The following NBEAL1 variants were observed in gnomAD, a reference collection of about 807,000 sequenced individuals.
NBEAL1 encodes the protein neurobeachin like 1, also known as neurobeachin-like protein 1.
In NBEAL1, 273 loss-of-function variants were observed where a neutral mutation model predicts 351.3. The observed-to-expected ratio is 0.78, with a 90% confidence interval of 0.70 to 0.86. NBEAL1 has a LOEUF of 0.86. NBEAL1 is among the 40% of genes least tolerant of loss of function. The pLI is 0.00. For synonymous variants in NBEAL1, 1,050 were observed against 1,086.4 expected, an observed-to-expected ratio of 0.97 and a Z score of 0.66; for missense variants, 2,961 against 3,201.3, an observed-to-expected ratio of 0.92 and a Z score of 1.81.
chr2:203,102,236 A>T (rs1436468741), intron 12 of NBEAL1, among the ~76,000 whole-genome samples: 1 of 152,242 alleles, frequency 6.6e-6, no homozygotes, highest in African/African-American at 2.4e-5. Context: ...TTCTAGGCGT[A>T]GAATCATATT....
intron 46 of NBEAL1, among the ~76,000 whole-genome samples, chr2:203,192,014 T>C (rs2065103526): frequency 6.6e-6 from 1 of 152,254 alleles, no homozygotes. Flanking sequence ...CCACAGCTAT[T>C]ACAACAGTAG....
Position 203,082,032 on chromosome 2 carries a change from A to G in NBEAL1, c.685-1187A>G, listed in dbSNP as rs543445700. The stretch of plus-strand genomic sequence containing the variant: ...AGCCTGAATAGTTGAGGCTGCAGTG[A>G]ACCATGATCATGTCACTGCATTTCA... On this transcript the variant is annotated intron_variant, in intron 8 of 55. Transcript: ENST00000683969. 8.5e-5 allele frequency among the ~76,000 whole-genome samples: 13 copies of G among 152,330 alleles called. No homozygotes were observed. The East Asian group carries it at 2.3e-3, about 27-fold the overall frequency.
chr2:203,093,675 G>A (rs539092966), intron 10 of NBEAL1, among the ~76,000 whole-genome samples: 4 of 152,148 alleles, frequency 2.6e-5, no homozygotes, highest in South Asian at 2.1e-4. Flanking sequence ...CCAACGTGGC[G>A]AAACCCCGTC....
At chr2:203,063,791 A>T (rs2061538034) in intron 6 of NBEAL1, among the ~76,000 whole-genome samples, 1 of 152,126 alleles carries the variant, frequency 6.6e-6, no homozygotes, top group Admixed American at 6.5e-5. Context: ...GCACAAAATA[A>T]TTATAGTAAT....
rs1491152571 is a variant in NBEAL1, at chr2:203,199,545, T to TA, written c.7238+98_7238+99insA. The TA allele has an allele frequency of 4.9e-5, 7 of 142,244 alleles. No homozygotes were observed. The South Asian group carries it at 6.2e-4, about 13-fold the overall frequency. The allele number at this position is 142,244 out of a possible 1,614,324, so 8.8% of individuals were successfully genotyped here. On this transcript the variant is annotated intron_variant, in intron 49 of 55. Coordinates refer to ENST00000683969, the MANE Select transcript of NBEAL1 (RefSeq NM_001378026.1). ...TGATTCATTTATTCTGAAAGAAATATTTTTTTTTTTTTTTTTTGAGACAGA... is the reference window on the plus strand; with the variant it reads ...TGATTCATTTATTCTGAAAGAAATATATTTTTTTTTTTTTTTTTGAGACAGA...
At chr2:203,128,046 G>T in intron 24 of NBEAL1, 109 bp downstream of exon 24, 2 of 792,584 alleles carry the variant, frequency 2.5e-6, no homozygotes, top group Non-Finnish European at 4.0e-6. Flanking sequence ...TAAAATATGT[G>T]TAGTGTCACA....
At chr2:203,190,174 AC>A in intron 45 of NBEAL1, 117 bp from the exon 46 acceptor site, 1 of 12,834 alleles carries the variant, frequency 7.8e-5, no homozygotes, top group Non-Finnish European at 7.4e-4. Flanking sequence ...ACACACACAC[AC>A]ACACACACAC....
intron 2 of NBEAL1, among the ~76,000 whole-genome samples, chr2:203,041,562 G>T (rs1206610750): frequency 6.6e-6 from 1 of 152,148 alleles, no homozygotes. Context: ...ACATTGTTAA[G>T]ATTTTAGCTC....
chr2:203,042,942 G>C (rs902843665), intron 3 of NBEAL1, among the ~76,000 whole-genome samples: 1 of 152,126 alleles, frequency 6.6e-6, no homozygotes, highest in African/African-American at 2.4e-5. Flanking sequence ...GGCTTACCTT[G>C]AGTCACTTCA....
At chr2:203,122,644 T>C (rs2062855530) in intron 19 of NBEAL1, among the ~76,000 whole-genome samples, 1 of 152,224 alleles carries the variant, frequency 6.6e-6, no homozygotes, top group East Asian at 1.9e-4. Flanking sequence ...TGTGTGGAGT[T>C]TGAATGTTTT....
In NBEAL1 at chr2:203,144,808, T is replaced by C; in HGVS notation, c.5057T>C (p.Leu1686Pro). ...IYELLFMNLH[L>P]PSLPFTNGSS... ...GAGCTTCTCTTCATGAACTTGCACC[T>C]ACCTTCTTTACCTTTTACCAATGGT... The change falls in exon 32 of 56, where the codon CTA becomes CCA. Residue 1686 changes from leucine (L) to proline (P), a missense_variant. Leu to Pro is a moderately conservative substitution (Grantham distance 98). Transcript: ENST00000683969. 6.2e-7 allele frequency: 1 copy of C among 1,614,000 alleles called. No individual in the cohort carries two copies. The highest frequency in any genetic ancestry group is 8.5e-7 in the Non-Finnish European group (1 of 1,179,850).
At chr2:203,203,071 T>C (rs895910042) in intron 51 of NBEAL1, among the ~76,000 whole-genome samples, 1 of 152,234 alleles carries the variant, frequency 6.6e-6, no homozygotes, top group Non-Finnish European at 1.5e-5. Flanking sequence ...GCTTTCTTTC[T>C]TGTGGGACTA....
At chr2:203,099,947 C>G (rs1005150249) in intron 12 of NBEAL1, among the ~76,000 whole-genome samples, 1 of 152,092 alleles carries the variant, frequency 6.6e-6, no homozygotes, top group African/African-American at 2.4e-5. Flanking sequence ...TTCTTTGTGT[C>G]CATATGAACT....
At chr2:203,023,605 G>GT (rs1187258450) in intron 2 of NBEAL1, among the ~76,000 whole-genome samples, 164 of 141,264 alleles carry the variant, frequency 1.2e-3, no homozygotes, top group African/African-American at 1.1e-3. Flanking sequence ...TTTCTTGTGT[G>GT]TTTTTTTTTT....
chr2:203,020,144 C>A (rs1275805328), intron 2 of NBEAL1, among the ~76,000 whole-genome samples: 2 of 152,092 alleles, frequency 1.3e-5, no homozygotes, highest in Admixed American at 1.3e-4. Context: ...CACATACTTA[C>A]CATTTCTTTG....
In NBEAL1 at chr2:203,174,216, C is replaced by CAAAA. The variant is rs10652390; in HGVS notation, c.6324-907_6324-904dup. On this transcript the variant is annotated intron_variant, in intron 41 of 55. Transcript: ENST00000683969. ...TAATTATCACAGTGCTTTATACTAG[C>CAAAA]AAAAAAAAAAAAAAAAAAAAAAAAA... Among the ~76,000 whole-genome samples, 57 of 24,612 alleles carry CAAAA rather than the reference C, an allele frequency of 2.3e-3. 8 individuals carry two copies. Among genetic ancestry groups the CAAAA allele is most frequent in the East Asian group, 8.6e-3 (5 of 584 alleles). The allele number at this position is 24,612 out of a possible 152,430, so 16.1% of individuals were successfully genotyped here.
chr2:203,032,460 A>C (rs1392339820), intron 2 of NBEAL1, among the ~76,000 whole-genome samples: 1 of 151,586 alleles, frequency 6.6e-6, no homozygotes, highest in Non-Finnish European at 1.5e-5. Flanking sequence ...GATCAAGACA[A>C]TCCTGGCTAA....
chr2:203,103,227 T>C (rs2062363870), intron 12 of NBEAL1, among the ~76,000 whole-genome samples: 1 of 152,068 alleles, frequency 6.6e-6, no homozygotes, highest in African/African-American at 2.4e-5. Flanking sequence ...GTGATCTATT[T>C]TATTAATTCT....
Position 203,041,240 on chromosome 2 carries a change from A to G in NBEAL1, c.52-525A>G, listed in dbSNP as rs77369407. Among the ~76,000 whole-genome samples, 39 of 152,322 alleles carry G rather than the reference A, an allele frequency of 2.6e-4. No individual in the cohort carries two copies. The East Asian group carries it at 6.4e-3, about 25-fold the overall frequency. On this transcript the variant is annotated intron_variant, in intron 2 of 55. Coordinates refer to ENST00000683969, the MANE Select transcript of NBEAL1 (RefSeq NM_001378026.1). ...AAGGTTCCCTAAGACTCCCACAGCA[A>G]TGGACCAAGCCCAGGGACATAATTT...
Sources: gnomAD v4.1 joint callset for allele counts (sites outside exome capture counted in the v4.1 genomes callset) on GRCh38, gnomAD v4.1.1 for gene constraint, MANE v1.5 for transcripts, NCBI Gene and HGNC (gene_info 2026-07-23, HGNC 2026-07-21) for gene names.